Variants in HPSE2 observed in about 807,000 individuals in gnomAD.
HPSE2 encodes heparanase 2 (inactive).
A neutral mutation model predicts 60.5 loss-of-function variants in HPSE2; 38 were observed. The observed-to-expected ratio is 0.63, with a 90% CI of 0.48 to 0.82. The LOEUF is 0.82. Ranked by LOEUF, HPSE2 falls within the 40% of genes least tolerant of loss-of-function variation. The probability of loss-of-function intolerance (pLI) is 0.00; values close to 1 mark genes in which losing one functional copy is unlikely to be tolerated. For missense variants in HPSE2, 713 were observed against 740.4 expected (o/e 0.96, Z 0.43); for synonymous variants, 295 against 293.2 (o/e 1.01, Z -0.06).
chr10:98,467,458 C>T (rs892423067), intron 11 of HPSE2, among the ~76,000 whole-genome samples: 4 of 151,880 alleles, frequency 2.6e-5, no homozygotes, highest in Admixed American at 2.0e-4. Flanking sequence ...CTTCTGGTCT[C>T]AGTTTCTGGA....
At chr10:98,751,708 A>C (rs1190417120) in intron 3 of HPSE2, among the ~76,000 whole-genome samples, 1 of 152,214 alleles carries the variant, frequency 6.6e-6, no homozygotes, top group Non-Finnish European at 1.5e-5. Flanking sequence ...ACATACTTGA[A>C]CAGAACTCAA....
At chr10:98,547,969 A>C (rs1254079321) in intron 9 of HPSE2, among the ~76,000 whole-genome samples, 4 of 152,154 alleles carry the variant, frequency 2.6e-5, no homozygotes. Context: ...CTTCTTCTAC[A>C]ATAATTCAAT....
At chr10:98,648,624 T>G (rs1418781648) in intron 6 of HPSE2, among the ~76,000 whole-genome samples, 3 of 151,292 alleles carry the variant, frequency 2.0e-5, no homozygotes, top group Non-Finnish European at 4.4e-5. Context: ...CTACAAAAAA[T>G]AAAAAAATTA....
chr10:99,160,138 T>G (rs1846766852), intron 2 of HPSE2, among the ~76,000 whole-genome samples: 1 of 149,830 alleles, frequency 6.7e-6, no homozygotes, highest in Admixed American at 6.7e-5. Flanking sequence ...AAAAAAGATA[T>G]AATTAAGCTA....
chr10:98,960,203 G>C (rs1277103213), intron 3 of HPSE2, among the ~76,000 whole-genome samples: 1 of 152,054 alleles, frequency 6.6e-6, no homozygotes, highest in Non-Finnish European at 1.5e-5. Flanking sequence ...TTTCTGATTT[G>C]TTAAGAAGCA....
chr10:98,836,317 C>T (rs970367804), intron 3 of HPSE2, among the ~76,000 whole-genome samples: 6 of 152,170 alleles, frequency 3.9e-5, no homozygotes, highest in African/African-American at 1.4e-4. Flanking sequence ...AAGTGTTTCA[C>T]ATGGTTATTT....
chr10:99,081,321 T>C (rs1434433642), intron 3 of HPSE2, among the ~76,000 whole-genome samples: 3 of 152,338 alleles, frequency 2.0e-5, no homozygotes, highest in East Asian at 1.9e-4. Context: ...TAAAGATGGA[T>C]AGTAGTCCAT....
chr10:98,604,063 C>A (rs1033351278), intron 9 of HPSE2, among the ~76,000 whole-genome samples: 24 of 152,096 alleles, frequency 1.6e-4, no homozygotes, highest in Non-Finnish European at 2.8e-4. Flanking sequence ...GGCTTATTTA[C>A]AATTGTTCTT....
At chr10:98,582,954 A>C (rs892936975) in intron 9 of HPSE2, among the ~76,000 whole-genome samples, 1 of 152,082 alleles carries the variant, frequency 6.6e-6, no homozygotes, top group Non-Finnish European at 1.5e-5. Context: ...CCCTGGCCCC[A>C]GGTAATCACT....
chr10:98,898,014 C>T lies in HPSE2; in HGVS notation c.611-153958G>A, dbSNP rs74946289. Among the ~76,000 whole-genome samples, 885 of 152,156 alleles carry T rather than the reference C, an allele frequency of 5.8e-3. 9 individuals carry two copies. The highest frequency in any genetic ancestry group is 0.02 in the African/African-American group (846 of 41,532). ...TCAACAATGAGGAAAAAAACCTCAA[C>T]CCAATTAAAACGTAAGCAAAAGATA... On this transcript the variant is annotated intron_variant, in intron 3 of 11. Transcript: ENST00000370552.
At chr10:98,656,324 A>T (rs528080343) in intron 6 of HPSE2, among the ~76,000 whole-genome samples, 1 of 152,136 alleles carries the variant, frequency 6.6e-6, no homozygotes, top group Non-Finnish European at 1.5e-5. Context: ...TGACCTCGTG[A>T]TCCACTTGCC....
chr10:98,525,594 C>T (rs1337838151), intron 9 of HPSE2, among the ~76,000 whole-genome samples: 2 of 152,144 alleles, frequency 1.3e-5, no homozygotes, highest in African/African-American at 2.4e-5. Context: ...GAGGATCTTC[C>T]TTTGGTGAAA....
chr10:98,502,036 A>G (rs193076038), intron 9 of HPSE2, among the ~76,000 whole-genome samples: 3 of 152,318 alleles, frequency 2.0e-5, no homozygotes, highest in East Asian at 3.9e-4. Flanking sequence ...CACTGCTTAA[A>G]GAAATCACAG....
chr10:99,188,106 C>T (rs1336938165), intron 2 of HPSE2, among the ~76,000 whole-genome samples: 1 of 152,150 alleles, frequency 6.6e-6, no homozygotes, highest in Non-Finnish European at 1.5e-5. Flanking sequence ...ATGGGTCCTC[C>T]AATCCCCTAT....
chr10:98,904,935 T>A (rs1953767476), intron 3 of HPSE2, among the ~76,000 whole-genome samples: 2 of 152,218 alleles, frequency 1.3e-5, no homozygotes, highest in African/African-American at 4.8e-5. Flanking sequence ...AATATTTCAG[T>A]GTTCTGACTC....
chr10:99,070,667 C>T (rs900105033), intron 3 of HPSE2, among the ~76,000 whole-genome samples: 1 of 152,194 alleles, frequency 6.6e-6, no homozygotes, highest in African/African-American at 2.4e-5. Context: ...TTTACCACCC[C>T]AGGCCCCCAG....
At chr10:98,703,318 G>T (rs1032370461) in intron 5 of HPSE2, among the ~76,000 whole-genome samples, 5 of 152,212 alleles carry the variant, frequency 3.3e-5, no homozygotes, top group Admixed American at 3.3e-4. Context: ...AAAGGTCTAG[G>T]ACCAGACAGA....
chr10:99,312,309 T>C, the HPSE2 span, among the ~76,000 whole-genome samples: 1 of 152,192 alleles, frequency 6.6e-6, no homozygotes, highest in African/African-American at 2.4e-5. Flanking sequence ...GCTAGAGAGA[T>C]GTCAACACCT....
chr10:99,168,870 C>A (rs926707699), intron 2 of HPSE2, among the ~76,000 whole-genome samples: 1 of 152,112 alleles, frequency 6.6e-6, no homozygotes, highest in Admixed American at 6.5e-5. Context: ...AGGTAGATAC[C>A]CTTTTTCAGG....
Sources: allele counts gnomAD v4.1 joint callset (sites outside exome capture counted in the v4.1 genomes callset), GRCh38; gene constraint gnomAD v4.1.1; transcripts MANE v1.5; gene names NCBI Gene and HGNC (gene_info 2026-07-23, HGNC 2026-07-21).